The following AGMO variants were observed in gnomAD, a reference collection of about 807,000 sequenced individuals.
AGMO encodes glyceryl-ether monooxygenase.
In AGMO, 75 loss-of-function variants were observed where a neutral mutation model predicts 60.2. The ratio of observed to expected loss-of-function variants is 1.25; its 90% confidence interval spans 1.03 to 1.51. The LOEUF is 1.51. Among genes scored for constraint, AGMO ranks in the 40% most tolerant of loss-of-function variants. AGMO has a pLI of 0.00. For synonymous variants in AGMO, 261 were observed against 177.1 expected (o/e 1.47, Z -3.76); for missense variants, 763 against 525.5 (o/e 1.45, Z -4.42).
chr7:15,299,834 C>T lies in AGMO; in HGVS notation c.1263+65680G>A, dbSNP rs1471698929. 2.0e-4 allele frequency among the ~76,000 whole-genome samples: 6 copies of T among 29,368 alleles called. No homozygotes were observed. In the South Asian group the frequency reaches 3.2e-3, roughly 16 times the overall value. The allele number at this position is 29,368 out of a possible 152,430, so 19.3% of individuals were successfully genotyped here. A position where few individuals can be genotyped will look rare whatever the true frequency, so the allele number is the denominator to read the frequency against. The stretch of plus-strand genomic sequence containing the variant: ...CAGAGCAAGACTCTGTCTACATACA[C>T]ACACACACACACACACACACACACA... On this transcript the variant is annotated intron_variant, in intron 12 of 12. Transcript: ENST00000342526.
chr7:15,143,480 C>G, the AGMO span, among the ~76,000 whole-genome samples: 1 of 152,172 alleles, frequency 6.6e-6, no homozygotes, highest in Admixed American at 6.5e-5. Flanking sequence ...CAACATCTAA[C>G]TAACTGAACA....
intron 12 of AGMO, among the ~76,000 whole-genome samples, chr7:15,355,675 G>T (rs1782503868): frequency 6.6e-6 from 1 of 151,932 alleles, no homozygotes; most frequent in South Asian, 2.1e-4. Flanking sequence ...AGCACTATAT[G>T]GAAAAAATTG....
intron 3 of AGMO, among the ~76,000 whole-genome samples, chr7:15,512,011 A>AG (rs1404946138): frequency 1.3e-5 from 1 of 75,772 alleles, no homozygotes; most frequent in South Asian, 4.7e-4. Flanking sequence ...GAGAATACAC[A>AG]CAAAAAAAAA....
intron 12 of AGMO, among the ~76,000 whole-genome samples, chr7:15,283,124 T>A (rs1287679087): frequency 6.6e-6 from 1 of 151,958 alleles, no homozygotes; most frequent in East Asian, 1.9e-4. Flanking sequence ...ATATGAAACA[T>A]AATAGAACCT....
rs546649324 is a variant in AGMO, at chr7:15,477,403, T to C, written c.410-46295A>G. 1.1e-3 allele frequency among the ~76,000 whole-genome samples: 165 copies of C among 152,240 alleles called. 2 individuals are homozygous for C. The highest frequency in any genetic ancestry group is 3.8e-3 in the African/African-American group (156 of 41,548). On this transcript the variant is annotated intron_variant, in intron 3 of 12. Transcript: ENST00000342526. ...TACACAGTCACTCTGTCTTGGTATA[T>C]GATCGTATCATGTTTCAAGGTGAAA...
At chr7:15,269,944 T>C (rs1237986381) in intron 12 of AGMO, among the ~76,000 whole-genome samples, 1 of 152,132 alleles carries the variant, frequency 6.6e-6, no homozygotes, top group Non-Finnish European at 1.5e-5. Flanking sequence ...CATTATTTCA[T>C]TCAATTTTAT....
Position 15,480,040 on chromosome 7 carries a change from G to A in AGMO, c.410-48932C>T, listed in dbSNP as rs182374743. 7.9e-5 allele frequency among the ~76,000 whole-genome samples: 12 copies of A among 152,276 alleles called. No individual in the cohort carries two copies. In the East Asian group the frequency reaches 1.4e-3, roughly 17 times the overall value. On this transcript the variant is annotated intron_variant, in intron 3 of 12. Transcript: ENST00000342526. ...TGTTGTGGCAACAGACAAGAGAAAC[G>A]AGAAGGTGAGACAGCGGGGTAATCA...
rs57236152 is a variant in AGMO, at chr7:15,212,247, TACACACACACACAC to T, written c.1264-10902_1264-10889del. 1.9e-3 allele frequency among the ~76,000 whole-genome samples: 272 copies of T among 146,380 alleles called. 2 individuals carry two copies. Among genetic ancestry groups the T allele is most frequent in the African/African-American group, 4.9e-3 (198 of 40,366 alleles). Reference sequence around the variant, plus strand: ...TATTTATTTAGTGTTAGGTGTGGAGTACACACACACACACACACACACACACACACACACACACA... The same window carrying T: ...TATTTATTTAGTGTTAGGTGTGGAGTACACACACACACACACACACACACA... On this transcript the variant is annotated intron_variant, in intron 12 of 12. Transcript: ENST00000342526.
chr7:15,494,118 A>C (rs1783157035), intron 3 of AGMO, among the ~76,000 whole-genome samples: 1 of 152,190 alleles, frequency 6.6e-6, no homozygotes, highest in South Asian at 2.1e-4. Context: ...ATATACGTCT[A>C]GGATTTGGCA....
intron 6 of AGMO, among the ~76,000 whole-genome samples, chr7:15,393,714 C>G (rs1203348713): frequency 6.6e-6 from 1 of 152,132 alleles, no homozygotes; most frequent in Non-Finnish European, 1.5e-5. Context: ...CTCCTTAAAT[C>G]AAAACAGTTT....
intron 2 of AGMO, among the ~76,000 whole-genome samples, chr7:15,545,138 T>G (rs867028919): frequency 6.6e-6 from 1 of 152,164 alleles, no homozygotes; most frequent in African/African-American, 2.4e-5. Context: ...ATAGGCATCA[T>G]GGATGCCAGC....
At chr7:15,357,819 G>A (rs370893512) in intron 12 of AGMO, among the ~76,000 whole-genome samples, 3 of 152,180 alleles carry the variant, frequency 2.0e-5, no homozygotes, top group Admixed American at 6.5e-5. Context: ...ACGCAGCAGA[G>A]AAAACACCAC....
At chr7:15,206,005 C>T (rs1781430399) in intron 12 of AGMO, among the ~76,000 whole-genome samples, 1 of 152,012 alleles carries the variant, frequency 6.6e-6, no homozygotes, top group Admixed American at 6.6e-5. Flanking sequence ...TTAAAGAAAA[C>T]TAAAGGTAAT....
At chr7:15,275,868 T>G (rs1783771687) in intron 12 of AGMO, among the ~76,000 whole-genome samples, 1 of 152,172 alleles carries the variant, frequency 6.6e-6, no homozygotes, top group Admixed American at 6.5e-5. Context: ...CTGCTTGCAT[T>G]TGTTTTCCAT....
chr7:15,287,856 C>G (rs533428199), intron 12 of AGMO, among the ~76,000 whole-genome samples: 1 of 151,946 alleles, frequency 6.6e-6, no homozygotes, highest in Non-Finnish European at 1.5e-5. Context: ...AAAGAATTTT[C>G]TCCAGAATTC....
intron 12 of AGMO, among the ~76,000 whole-genome samples, chr7:15,290,209 A>C (rs773395163): frequency 6.6e-6 from 1 of 151,632 alleles, no homozygotes; most frequent in Non-Finnish European, 1.5e-5. Flanking sequence ...TTGTATTTTC[A>C]GTACAGATGG....
chr7:15,249,189 A>G (rs73279641), intron 12 of AGMO, among the ~76,000 whole-genome samples: 3,298 of 152,284 alleles, frequency 0.022, 113 homozygotes, highest in African/African-American at 0.076. Flanking sequence ...TAAGAGCTGA[A>G]TAATGGCTGC....
At chr7:15,551,215 T>C (rs1448844036) in intron 2 of AGMO, among the ~76,000 whole-genome samples, 1 of 152,226 alleles carries the variant, frequency 6.6e-6, no homozygotes, top group South Asian at 2.1e-4. Context: ...AATATCATAC[T>C]GAATGGGCAA....
intron 10 of AGMO, among the ~76,000 whole-genome samples, chr7:15,384,817 CTTTTTT>C (rs71953359): frequency 1.1e-3 from 128 of 121,306 alleles, no homozygotes; most frequent in African/African-American, 3.8e-3. Context: ...CTGTTTTTCT[CTTTTTT>C]TTTTTTTTTT....
Sources: gnomAD v4.1 joint callset for allele counts (sites outside exome capture counted in the v4.1 genomes callset) on GRCh38, gnomAD v4.1.1 for gene constraint, MANE v1.5 for transcripts, NCBI Gene and HGNC (gene_info 2026-07-23, HGNC 2026-07-21) for gene names.